The following LRP1B variants were observed in gnomAD, a reference collection of about 807,000 sequenced individuals.
The protein encoded by LRP1B is low-density lipoprotein receptor-related protein 1B.
In LRP1B, 217 loss-of-function variants were observed where a neutral mutation model predicts 556.6. That is an observed-to-expected ratio of 0.39 (90% CI 0.35 to 0.44). The LOEUF (loss-of-function observed/expected upper bound fraction) is 0.44. LRP1B is among the 20% of genes least tolerant of loss of function. LRP1B has a pLI of 1.00. For synonymous variants in LRP1B, 2,047 were observed against 1,865.8 expected (o/e 1.10, Z -2.50); for missense variants, 5,053 against 5,620.8 (o/e 0.90, Z 3.23).
At chr2:140,918,197 T>A (rs1441321328) in intron 21 of LRP1B, among the ~76,000 whole-genome samples, 2 of 151,336 alleles carry the variant, frequency 1.3e-5, no homozygotes, top group East Asian at 1.9e-4. Context: ...TGTGTGTGTG[T>A]GTGTGTGTGT....
At chr2:141,937,610 G>A (rs1266137026) in intron 1 of LRP1B, among the ~76,000 whole-genome samples, 1 of 150,862 alleles carries the variant, frequency 6.6e-6, no homozygotes, top group Non-Finnish European at 1.5e-5. Flanking sequence ...TTGAAAAACT[G>A]ATTCTAAAAT....
Position 140,444,588 on chromosome 2 carries a change from T to C in LRP1B, c.10149A>G (p.Gly3383=), listed in dbSNP as rs1027581039. The C allele has an allele frequency of 1.2e-6, 2 of 1,613,850 alleles. No individual in the cohort carries two copies. Among genetic ancestry groups the C allele is most frequent in the African/African-American group, 2.7e-5 (2 of 74,922 alleles). ...CACAGTTGAGTTCATCAGAATTGTCTCCACAATCATTCTCTCCATCACAGA... is the reference window on the plus strand; with the variant it reads ...CACAGTTGAGTTCATCAGAATTGTCCCCACAATCATTCTCTCCATCACAGA... ...AFICDGENDC[G]DNSDELNCDT... Residue 3383 remains glycine (G), a synonymous_variant, in exon 64 of 91, where the codon GGA becomes GGG. Coordinates refer to ENST00000389484, the MANE Select transcript of LRP1B (RefSeq NM_018557.3).
chr2:140,566,756 T>G (rs1681141310), intron 43 of LRP1B, among the ~76,000 whole-genome samples: 1 of 152,144 alleles, frequency 6.6e-6, no homozygotes, highest in Admixed American at 6.6e-5. Context: ...GTGCCTGAGC[T>G]GAAGCAGTAT....
chr2:141,219,535 G>C (rs1682949578), intron 6 of LRP1B, among the ~76,000 whole-genome samples: 1 of 152,226 alleles, frequency 6.6e-6, no homozygotes, highest in Non-Finnish European at 1.5e-5. Flanking sequence ...CAGTCCAGAT[G>C]AGGGGGATTC....
In LRP1B at chr2:142,060,892, G is replaced by C. The variant is rs185225900; in HGVS notation, c.82+69756C>G. On this transcript the variant is annotated intron_variant, in intron 1 of 90. Transcript: ENST00000389484. ...TCTTTGAGAGATATGAGGCATGAAA[G>C]CATAACCGTGTATGTCCTAATGCAC... Among the ~76,000 whole-genome samples the C allele has an allele frequency of 1.5e-4, 23 of 152,080 alleles. No individual in the cohort carries two copies. In the East Asian group the frequency reaches 1.8e-3, roughly 12 times the overall value.
chr2:140,892,851 A>C (rs1360204347), intron 23 of LRP1B, among the ~76,000 whole-genome samples: 1 of 152,216 alleles, frequency 6.6e-6, no homozygotes, highest in Non-Finnish European at 1.5e-5. Context: ...GTAGGTGCAC[A>C]GTTCATAAAG....
At chr2:141,598,783 T>A (rs2105305324) in intron 2 of LRP1B, among the ~76,000 whole-genome samples, 1 of 152,212 alleles carries the variant, frequency 6.6e-6, no homozygotes, top group East Asian at 1.9e-4. Context: ...GAAATGAGAC[T>A]CTGTGCCATA....
intron 3 of LRP1B, among the ~76,000 whole-genome samples, chr2:141,368,310 G>A (rs1689116109): frequency 6.6e-6 from 1 of 152,132 alleles, no homozygotes; most frequent in Non-Finnish European, 1.5e-5. Flanking sequence ...TGGAGATGAG[G>A]CCTTCCTGGA....
intron 2 of LRP1B, among the ~76,000 whole-genome samples, chr2:141,800,133 G>A (rs1173691967): frequency 1.3e-5 from 2 of 152,060 alleles, no homozygotes; most frequent in Admixed American, 1.3e-4. Flanking sequence ...AATCTGTTGT[G>A]TCTAAAATGA....
chr2:141,134,831 T>C (rs1701451221), intron 7 of LRP1B, among the ~76,000 whole-genome samples: 1 of 151,832 alleles, frequency 6.6e-6, no homozygotes, highest in South Asian at 2.1e-4. Flanking sequence ...ATTATTATTT[T>C]TCATTTTCTA....
At chr2:142,116,059 A>G (rs1381314281) in intron 1 of LRP1B, among the ~76,000 whole-genome samples, 1 of 147,898 alleles carries the variant, frequency 6.8e-6, no homozygotes, top group Non-Finnish European at 1.5e-5. Context: ...TCTACTAAAA[A>G]TACAAAAATT....
At chr2:140,358,984 A>T in intron 72 of LRP1B, 38 bp from the exon 73 acceptor site, 1 of 1,590,004 alleles carries the variant, frequency 6.3e-7, no homozygotes, top group South Asian at 1.1e-5. Context: ...AGCTCCTTCG[A>T]GTACATTGCT....
intron 1 of LRP1B, among the ~76,000 whole-genome samples, chr2:142,115,675 T>C (rs549515441): frequency 1.2e-3 from 3 of 2,588 alleles, no homozygotes; most frequent in African/African-American, 1.8e-3. Flanking sequence ...ATATATGTAA[T>C]ATATATATAA....
At chr2:141,537,255 A>G (rs1278800689) in intron 2 of LRP1B, among the ~76,000 whole-genome samples, 1 of 152,128 alleles carries the variant, frequency 6.6e-6, no homozygotes, top group Non-Finnish European at 1.5e-5. Flanking sequence ...ATGCATTAAG[A>G]AAAACTACAT....
Position 141,628,679 on chromosome 2 carries a change from C to G in LRP1B, c.206-148146G>C, listed in dbSNP as rs368468599. Among the ~76,000 whole-genome samples the G allele has an allele frequency of 5.1e-4, 77 of 152,136 alleles. No individual in the cohort carries two copies. The East Asian group carries it at 5.2e-3, about 10-fold the overall frequency. On this transcript the variant is annotated intron_variant, in intron 2 of 90. Transcript: ENST00000389484. ...CTAATTTTTTTTTGAAATAGGGTCT[C>G]ACTCTGTCACCCAGGCTGGAGTACA...
At chr2:141,816,381 AACT>A (rs2105720225) in intron 1 of LRP1B, among the ~76,000 whole-genome samples, 1 of 152,282 alleles carries the variant, frequency 6.6e-6, no homozygotes, top group African/African-American at 2.4e-5. Context: ...AAGGTGGAAG[AACT>A]AGACTGGCTG....
intron 1 of LRP1B, among the ~76,000 whole-genome samples, chr2:142,017,912 G>A (rs1303922112): frequency 6.6e-6 from 1 of 150,768 alleles, no homozygotes; most frequent in African/African-American, 2.4e-5. Flanking sequence ...TCAGTGTGAA[G>A]CAGTAATGTT....
chr2:141,721,556 T>G (rs1241440932), intron 2 of LRP1B, among the ~76,000 whole-genome samples: 6 of 152,216 alleles, frequency 3.9e-5, no homozygotes, highest in Non-Finnish European at 8.8e-5. Flanking sequence ...TTCAGATTAA[T>G]GTATTCCATT....
intron 9 of LRP1B, among the ~76,000 whole-genome samples, chr2:141,057,872 TTC>T (rs1458565203): frequency 6.6e-6 from 1 of 151,958 alleles, no homozygotes; most frequent in Non-Finnish European, 1.5e-5. Context: ...ATGGAACTTC[TTC>T]TGACTCTTCC....
Sources: allele counts gnomAD v4.1 joint callset (sites outside exome capture counted in the v4.1 genomes callset), GRCh38; gene constraint gnomAD v4.1.1; transcripts MANE v1.5; gene names NCBI Gene and HGNC (gene_info 2026-07-23, HGNC 2026-07-21).